The following TMEM234 variants were observed in gnomAD, a reference collection of about 807,000 sequenced individuals.
TMEM234 encodes the protein transmembrane protein 234.
TMEM234 carries 21 observed loss-of-function variants against 17.8 expected under a neutral mutation model. The observed-to-expected ratio is 1.18, with a 90% confidence interval of 0.84 to 1.70. The LOEUF (loss-of-function observed/expected upper bound fraction) is 1.70, where lower values mean the gene tolerates loss of function less well. Ranked by LOEUF, TMEM234 falls within the 40% of genes most tolerant of loss-of-function variation. The pLI is 0.00. For missense variants in TMEM234, 137 were observed against 166.9 expected, an observed-to-expected ratio of 0.82 and a Z score of 0.99; for synonymous variants, 83 against 73.5, an observed-to-expected ratio of 1.13 and a Z score of -0.66.
chr1:32,222,218 G>A (rs368019687), intron 1 of TMEM234, 89 bp downstream of exon 1: 40 of 1,511,314 alleles, frequency 2.6e-5, no homozygotes, highest in African/African-American at 4.2e-5. Context: ...GTTGTAGCAG[G>A]GGTCGGGGTT....
chr1:32,221,174 G>T lies in TMEM234; in HGVS notation c.192C>A (p.Asn64Lys). 4 of 1,613,728 alleles carry T rather than the reference G, an allele frequency of 2.5e-6. No homozygotes were observed. Among genetic ancestry groups the T allele is most frequent in the Non-Finnish European group, 3.4e-6 (4 of 1,179,906 alleles). Residue 64 changes from asparagine to lysine, a missense_variant, in exon 3 of 5, where the codon AAC becomes AAA. By Grantham distance (94) the Asn-to-Lys change is moderately conservative. Coordinates refer to ENST00000309777, the MANE Select transcript of TMEM234 (RefSeq NM_019118.5). ...GGTAATAGAGAAGGGATCCACACTG[G>T]TTGAGGAGAAAGGGCATCAGGTACT... ...NTEYLMPFLL[N>K]QCGSLLYYLT...
At chr1:32,215,636 CT>C (rs1269866242), downstream of TMEM234, 21 of 1,237,322 alleles carry the variant, frequency 1.7e-5, no homozygotes, top group Non-Finnish European at 2.0e-5. Context: ...GTTCTCCTCC[CT>C]TGTGATTGAA....
chr1:32,215,058 A>T, downstream of TMEM234: 1 of 1,373,332 alleles, frequency 7.3e-7, no homozygotes, highest in Non-Finnish European at 9.8e-7. Flanking sequence ...CACTGGAAAA[A>T]AAAAAAAAAG....
rs1462580980 is a variant in TMEM234 at position 32,216,553 on chromosome 1, T to C, written c.*300A>G. 2 of 1,548,460 alleles carry C rather than the reference T, an allele frequency of 1.3e-6. No homozygotes were observed. The highest frequency in any genetic ancestry group is 1.7e-6 in the Non-Finnish European group (2 of 1,144,492). ...GATAGTCCAGATCAGGCCACAGTAA[T>C]GGTGGCTGGGCTGGGAGCCTGAGAT... On this transcript the variant is annotated 3_prime_UTR_variant, in exon 5 of 5. Transcript: ENST00000309777.
At position 32,216,753 on chromosome 1, in the gene TMEM234, G is replaced by A; in HGVS notation, c.*100C>T. On this transcript the variant is annotated 3_prime_UTR_variant, in exon 5 of 5. Coordinates refer to ENST00000309777, the MANE Select transcript of TMEM234 (RefSeq NM_019118.5). ...TCCCCATAAGAGAGGAGGAAGCTAA[G>A]GCCAGAGAGGGGAAGTGCTAGGTCC... is the stretch of plus-strand genomic sequence containing the variant. 6.5e-7 allele frequency: 1 copy of A among 1,538,308 alleles called. No individual in the cohort carries two copies.
At position 32,216,307 on chromosome 1, in the gene TMEM234, G is replaced by T. The variant is rs1638375125; in HGVS notation, c.*546C>A. On this transcript the variant is annotated 3_prime_UTR_variant, in exon 5 of 5. Transcript: ENST00000309777. ...CTGTTTAAGAGGGGCTGGCAGTGAGGATTTCTGCCTACCTCATGGGTGGGG... is the reference window on the plus strand; with the variant it reads ...CTGTTTAAGAGGGGCTGGCAGTGAGTATTTCTGCCTACCTCATGGGTGGGG... 1.3e-6 allele frequency: 2 copies of T among 1,513,364 alleles called. No individual in the cohort carries two copies. The highest frequency in any genetic ancestry group is 1.8e-6 in the Non-Finnish European group (2 of 1,127,748). 93.7% of individuals were successfully genotyped at this position (1,513,364 alleles called of 1,614,324 possible).
downstream of TMEM234, chr1:32,214,765 A>G: frequency 6.2e-7 from 1 of 1,612,788 alleles, no homozygotes; most frequent in African/African-American, 1.3e-5. Context: ...ATGGCCAGCA[A>G]TCAGGGTCCA....
At chr1:32,215,497 A>G, downstream of TMEM234, 1 of 1,613,762 alleles carries the variant, frequency 6.2e-7, no homozygotes, top group South Asian at 1.1e-5. Context: ...GGGGCCCTGG[A>G]AGTAGCAGAT....
chr1:32,216,521 C>A lies in TMEM234; in HGVS notation c.*332G>T, dbSNP rs1184571403. The A allele has an allele frequency of 6.4e-7, 1 of 1,551,608 alleles. No homozygotes were observed. Among genetic ancestry groups the A allele is most frequent in the African/African-American group, 1.4e-5 (1 of 73,038 alleles). ...GGAGTTCTGCAGTCCATGGAACCTGCCACCATGATAGTCCAGATCAGGCCA... is the reference window on the plus strand; with the variant it reads ...GGAGTTCTGCAGTCCATGGAACCTGACACCATGATAGTCCAGATCAGGCCA... On this transcript the variant is annotated 3_prime_UTR_variant, in exon 5 of 5. Transcript: ENST00000309777.
In TMEM234 at chr1:32,219,697, T is replaced by G. The variant is rs143311173; in HGVS notation, c.235+1434A>C. On this transcript the variant is annotated intron_variant, in intron 3 of 4. Transcript: ENST00000309777. The stretch of plus-strand genomic sequence containing the variant: ...CCAGAGCTGCCTTCTTAAGTTTACA[T>G]ACCTTACAAGGAGTGTCATGGCTGC... Among the ~76,000 whole-genome samples the G allele has an allele frequency of 7.9e-5, 12 of 152,298 alleles. No homozygotes were observed. In the East Asian group the frequency reaches 2.3e-3, roughly 29 times the overall value.
intron 1 of TMEM234, 105 bp downstream of exon 1, chr1:32,222,202 T>C (rs1282970178): frequency 1.3e-6 from 2 of 1,503,882 alleles, no homozygotes; most frequent in Non-Finnish European, 1.8e-6. Context: ...GAGTCCGGCC[T>C]CTGGGGTTGT....
At chr1:32,220,599 G>A (rs1480950145) in intron 3 of TMEM234, among the ~76,000 whole-genome samples, 2 of 152,166 alleles carry the variant, frequency 1.3e-5, no homozygotes, top group Non-Finnish European at 2.9e-5. Context: ...CTGCTTTACA[G>A]AGTCATGATT....
At position 32,222,287 on chromosome 1, in the gene TMEM234, G is replaced by A. The variant is rs149400634; in HGVS notation, c.16+20C>T. ...GGCGAGGGTCGGGAAATCCATGGAAGGGCGGGGCCGGCTACCTACCCAGAG... is the reference window on the plus strand; with the variant it reads ...GGCGAGGGTCGGGAAATCCATGGAAAGGCGGGGCCGGCTACCTACCCAGAG... On this transcript the variant is annotated intron_variant, in intron 1 of 4. Coordinates refer to ENST00000309777, the MANE Select transcript of TMEM234 (RefSeq NM_019118.5). 567 of 1,544,770 alleles carry A rather than the reference G, an allele frequency of 3.7e-4. 2 individuals are homozygous for A. The East Asian group carries it at 0.012, about 33-fold the overall frequency.
chr1:32,219,395 T>C (rs764994464), intron 3 of TMEM234, among the ~76,000 whole-genome samples: 1 of 152,132 alleles, frequency 6.6e-6, no homozygotes, highest in Non-Finnish European at 1.5e-5. Context: ...TTTTTCGTTT[T>C]TGTTGTTGTT....
Position 32,216,823 on chromosome 1 carries a change from G to A in TMEM234, c.*30C>T, listed in dbSNP as rs996536070. 4 of 1,612,660 alleles carry A rather than the reference G, an allele frequency of 2.5e-6. No homozygotes were observed. Among genetic ancestry groups the A allele is most frequent in the Non-Finnish European group, 2.5e-6 (3 of 1,179,464 alleles). On this transcript the variant is annotated 3_prime_UTR_variant, in exon 5 of 5. Transcript: ENST00000309777. ...TTCATGGCCCAGGGGCTTCCTGGAG[G>A]CAGCAGAGCTGGAAGTGGGTTCGGC...
chr1:32,216,238 AGGT>A lies in TMEM234; in HGVS notation c.*612_*614del. ...GATTTATTGACAGCTACTACTCGCC[AGGT>A]GTGCTGGAGTCAGGTGGGGCTGGGG... On this transcript the variant is annotated 3_prime_UTR_variant, in exon 5 of 5. Transcript: ENST00000309777. 8.0e-7 allele frequency: 1 copy of A among 1,256,906 alleles called. No homozygotes were observed. The highest frequency in any genetic ancestry group is 1.1e-6 in the Non-Finnish European group (1 of 928,546). The allele number at this position is 1,256,906 out of a possible 1,614,324, so 77.9% of individuals were successfully genotyped here.
At chr1:32,220,804 G>A (rs968821385) in intron 3 of TMEM234, among the ~76,000 whole-genome samples, 3 of 152,160 alleles carry the variant, frequency 2.0e-5, no homozygotes, top group Non-Finnish European at 4.4e-5. Flanking sequence ...TCAAATGGGT[G>A]ACTTGCTCAT....
At chr1:32,215,828 C>G (rs922193958), downstream of TMEM234, 5 of 1,553,000 alleles carry the variant, frequency 3.2e-6, no homozygotes, top group Non-Finnish European at 4.4e-6. Context: ...TGGAAGAGGC[C>G]TTGTCCCTGG....
downstream of TMEM234, chr1:32,215,469 C>T (rs11590013): frequency 9.3e-6 from 15 of 1,613,264 alleles, no homozygotes; most frequent in Middle Eastern, 1.7e-4. Flanking sequence ...AGCTCCCCAC[C>T]GAAGGAAGGA....
Sources: allele counts gnomAD v4.1 joint callset (sites outside exome capture counted in the v4.1 genomes callset), GRCh38; gene constraint gnomAD v4.1.1; transcripts MANE v1.5; gene names NCBI Gene and HGNC (gene_info 2026-07-23, HGNC 2026-07-21).